The following CYP2J2 variants were observed in gnomAD, a reference collection of about 807,000 sequenced individuals.
CYP2J2 encodes the protein cytochrome P450 2J2.
In CYP2J2, 41 loss-of-function variants were observed where a neutral mutation model predicts 48.8. That is an observed-to-expected ratio of 0.84 (90% CI 0.66 to 1.09). The LOEUF (loss-of-function observed/expected upper bound fraction) is 1.09. CYP2J2 is among the 50% of genes least tolerant of loss of function. The pLI is 0.00. For missense variants in CYP2J2, 644 were observed against 617.3 expected, an observed-to-expected ratio of 1.04 and a Z score of -0.46; for synonymous variants, 221 against 227.1, an observed-to-expected ratio of 0.97 and a Z score of 0.24.
the CYP2J2 span, among the ~76,000 whole-genome samples, chr1:59,934,988 GGA>G: frequency 2.9e-5 from 1 of 34,290 alleles, no homozygotes; most frequent in Non-Finnish European, 6.1e-5. Context: ...AAAGAAAATG[GGA>G]TATATATATA....
the CYP2J2 span, among the ~76,000 whole-genome samples, chr1:59,939,192 T>G: frequency 6.6e-6 from 1 of 152,322 alleles, no homozygotes; most frequent in East Asian, 1.9e-4. Flanking sequence ...TTTATTGTAG[T>G]CTTCACAGTC....
At chr1:59,897,981 C>A (rs1644284300) in intron 8 of CYP2J2, among the ~76,000 whole-genome samples, 1 of 152,216 alleles carries the variant, frequency 6.6e-6, no homozygotes, top group South Asian at 2.1e-4. Context: ...CTTCAGATTT[C>A]TATCTCCTGA....
At chr1:59,904,302 T>A (rs1432116216) in intron 7 of CYP2J2, 1 of 152,024 alleles carries the variant, frequency 6.6e-6, no homozygotes, top group Non-Finnish European at 1.5e-5. Context: ...CTCAAATAAA[T>A]AAATACATAC....
chr1:59,934,989 G>GATATATATATATATATAT, the CYP2J2 span, among the ~76,000 whole-genome samples: 2 of 58,404 alleles, frequency 3.4e-5, no homozygotes, highest in African/African-American at 1.1e-4. Flanking sequence ...AAGAAAATGG[G>GATATATATATATATATAT]ATATATATAT....
At chr1:59,903,834 C>T (rs899661885) in intron 7 of CYP2J2, among the ~76,000 whole-genome samples, 1 of 152,170 alleles carries the variant, frequency 6.6e-6, no homozygotes, top group East Asian at 1.9e-4. Context: ...CTTCCAGATC[C>T]CAACTCTTCA....
At chr1:59,935,027 T>TATATATATATATAC in the CYP2J2 span, among the ~76,000 whole-genome samples, 1 of 100,140 alleles carries the variant, frequency 1.0e-5, no homozygotes, top group Non-Finnish European at 2.1e-5. Context: ...TATATATATA[T>TATATATATATATAC]ATATATATAT....
At chr1:59,955,231 C>T in the CYP2J2 span, among the ~76,000 whole-genome samples, 20 of 135,432 alleles carry the variant, frequency 1.5e-4, no homozygotes, top group Admixed American at 2.2e-4. Context: ...TATATGTATA[C>T]GAATAAGGAT....
At chr1:59,911,469 A>T (rs373775020) in intron 4 of CYP2J2, 139 bp downstream of exon 4, 76 of 576,692 alleles carry the variant, frequency 1.3e-4, no homozygotes, top group South Asian at 1.1e-3. Context: ...TTTATTTCAA[A>T]TAAGTTTGTG....
chr1:59,895,818 C>T (rs891185411), intron 8 of CYP2J2, among the ~76,000 whole-genome samples: 10 of 152,094 alleles, frequency 6.6e-5, no homozygotes, highest in Admixed American at 1.3e-4. Flanking sequence ...TACCAAATCG[C>T]GATTTTTAAA....
the CYP2J2 span, among the ~76,000 whole-genome samples, chr1:59,955,988 T>G: frequency 6.6e-6 from 1 of 152,146 alleles, no homozygotes; most frequent in Non-Finnish European, 1.5e-5. Flanking sequence ...CATGCAACTT[T>G]ATTCTCACTT....
chr1:59,940,244 A>T, the CYP2J2 span, among the ~76,000 whole-genome samples: 1 of 152,192 alleles, frequency 6.6e-6, no homozygotes, highest in African/African-American at 2.4e-5. Context: ...CTACCTGTGT[A>T]TTGCTGCTGG....
Position 59,893,752 on chromosome 1 carries a change from TA to T in CYP2J2, c.1407del (p.Phe469LeufsTer11). On this transcript the variant is annotated frameshift_variant, in exon 9 of 9. Coordinates refer to ENST00000371204, the MANE Select transcript of CYP2J2 (RefSeq NM_000775.4). LOFTEE classifies it low-confidence loss of function (END_TRUNC). ...TTCTCATTGTTTGGGGGCCTGAAGG[TA>T]AATTTTTGCATAAGGGAAGTGAAGA... Reference protein sequence around the residue: ...FIFFTSLMQKFTFRPPNNEKL... With the variant: ...FIFFTSLMQKXTFRPPNNEKL... 1 of 1,613,454 alleles carries T rather than the reference TA, an allele frequency of 6.2e-7. No homozygotes were observed. The highest frequency in any genetic ancestry group is 8.5e-7 in the Non-Finnish European group (1 of 1,179,712).
At chr1:59,915,798 C>T (rs1395446392) in intron 2 of CYP2J2, 140 bp downstream of exon 2, 5 of 728,680 alleles carry the variant, frequency 6.9e-6, no homozygotes, top group Non-Finnish European at 1.1e-5. Context: ...ATGTGAATAT[C>T]CAGCTTTCTT....
the CYP2J2 span, among the ~76,000 whole-genome samples, chr1:59,959,676 C>T: frequency 6.6e-6 from 1 of 151,380 alleles, no homozygotes; most frequent in Non-Finnish European, 1.5e-5. Flanking sequence ...CATATATATA[C>T]ATATGTATAT....
At chr1:59,945,194 C>T in the CYP2J2 span, among the ~76,000 whole-genome samples, 8 of 151,960 alleles carry the variant, frequency 5.3e-5, no homozygotes, top group Non-Finnish European at 7.4e-5. Flanking sequence ...AATATTATGT[C>T]GCCAGATTTT....
intron 1 of CYP2J2, among the ~76,000 whole-genome samples, chr1:59,925,793 C>A (rs1437256947): frequency 6.6e-6 from 1 of 152,206 alleles, no homozygotes; most frequent in Non-Finnish European, 1.5e-5. Flanking sequence ...TGACCATTCA[C>A]TATTTTATCT....
the CYP2J2 span, among the ~76,000 whole-genome samples, chr1:59,937,556 G>A: frequency 2.6e-5 from 4 of 152,136 alleles, no homozygotes; most frequent in Admixed American, 2.6e-4. Context: ...TCTGCTTAGC[G>A]TTCTATAATT....
chr1:59,968,930 C>T, the CYP2J2 span, among the ~76,000 whole-genome samples: 1 of 152,064 alleles, frequency 6.6e-6, no homozygotes, highest in African/African-American at 2.4e-5. Context: ...CGGATATGTT[C>T]GGGGTTTCTT....
chr1:59,941,829 T>C, the CYP2J2 span, among the ~76,000 whole-genome samples: 2 of 148,716 alleles, frequency 1.3e-5, no homozygotes, highest in East Asian at 3.9e-4. Context: ...AGCTGCACAA[T>C]ATGTGTTTTA....
Sources: allele counts gnomAD v4.1 joint callset (sites outside exome capture counted in the v4.1 genomes callset), GRCh38; gene constraint gnomAD v4.1.1; transcripts MANE v1.5; gene names NCBI Gene and HGNC (gene_info 2026-07-23, HGNC 2026-07-21).